CAMTA1: variants seen among roughly 807,000 people sequenced by gnomAD.
CAMTA1 encodes the protein calmodulin-binding transcription activator 1.
CAMTA1 carries 27 observed loss-of-function variants against 170.9 expected under a neutral mutation model. The observed-to-expected ratio is 0.16, with a 90% CI of 0.12 to 0.22. The LOEUF (loss-of-function observed/expected upper bound fraction) is 0.22. Among genes scored for constraint, CAMTA1 ranks in the 10% least tolerant of loss-of-function variants. The pLI, the probability that CAMTA1 is intolerant of heterozygous loss-of-function variation, is 1.00. For missense variants in CAMTA1, 1,619 were observed against 2,217.2 expected, an observed-to-expected ratio of 0.73 and a Z score of 5.42; for synonymous variants, 833 against 891.5, an observed-to-expected ratio of 0.93 and a Z score of 1.17.
intron 3 of CAMTA1, among the ~76,000 whole-genome samples, chr1:6,892,238 G>T (rs916465839): frequency 6.6e-6 from 1 of 152,084 alleles, no homozygotes; most frequent in African/African-American, 2.4e-5. Flanking sequence ...ACCAAACTTC[G>T]CCATACTGTG....
intron 4 of CAMTA1, among the ~76,000 whole-genome samples, chr1:7,177,958 C>T (rs1051608813): frequency 1.3e-5 from 2 of 151,886 alleles, no homozygotes; most frequent in South Asian, 4.2e-4. Context: ...GGAGGCTCCT[C>T]CCACACACTG....
At chr1:7,054,189 A>C (rs1032647670) in intron 3 of CAMTA1, among the ~76,000 whole-genome samples, 2 of 152,054 alleles carry the variant, frequency 1.3e-5, no homozygotes, top group Admixed American at 6.5e-5. Flanking sequence ...TTCTTACCCT[A>C]AGTTTAGCTG....
chr1:6,935,686 C>T (rs1270855355), intron 3 of CAMTA1, among the ~76,000 whole-genome samples: 2 of 152,194 alleles, frequency 1.3e-5, no homozygotes, highest in African/African-American at 2.4e-5. Flanking sequence ...AAAACATTTG[C>T]AAAAAGTAAA....
intron 3 of CAMTA1, among the ~76,000 whole-genome samples, chr1:6,872,665 C>T (rs560828967): frequency 2.0e-5 from 3 of 152,244 alleles, no homozygotes; most frequent in Admixed American, 1.3e-4. Context: ...TTGTATTTCT[C>T]TTTTCAGAAA....
intron 6 of CAMTA1, among the ~76,000 whole-genome samples, chr1:7,512,662 C>G (rs567748478): frequency 6.6e-6 from 1 of 152,348 alleles, no homozygotes; most frequent in Admixed American, 6.5e-5. Context: ...CCACTCCTAT[C>G]ACGCTGGCCA....
intron 4 of CAMTA1, among the ~76,000 whole-genome samples, chr1:7,213,620 T>TTA (rs61677501): frequency 6.6e-6 from 1 of 151,778 alleles, no homozygotes; most frequent in African/African-American, 2.4e-5. Flanking sequence ...TTCTTTTTTT[T>TTA]ATTATACTTT....
intron 6 of CAMTA1, among the ~76,000 whole-genome samples, chr1:7,599,277 C>G (rs933677023): frequency 6.6e-6 from 1 of 152,166 alleles, no homozygotes; most frequent in African/African-American, 2.4e-5. Context: ...TCTGAGGGCT[C>G]TGTTCTGTTC....
At chr1:7,004,898 G>A (rs979790654) in intron 3 of CAMTA1, among the ~76,000 whole-genome samples, 1 of 152,158 alleles carries the variant, frequency 6.6e-6, no homozygotes, top group Non-Finnish European at 1.5e-5. Context: ...CTCCTGAATA[G>A]CTGGGATTAC....
chr1:7,288,750 A>G (rs1672694817), intron 5 of CAMTA1, among the ~76,000 whole-genome samples: 1 of 152,238 alleles, frequency 6.6e-6, no homozygotes, highest in South Asian at 2.1e-4. Flanking sequence ...GAAGCCAGAA[A>G]GCTAGGGCTG....
intron 3 of CAMTA1, among the ~76,000 whole-genome samples, chr1:6,892,729 C>T (rs1674796492): frequency 6.7e-6 from 1 of 150,206 alleles, no homozygotes; most frequent in African/African-American, 2.4e-5. Flanking sequence ...TCAACTAGGT[C>T]TCCGTTTCTA....
intron 6 of CAMTA1, among the ~76,000 whole-genome samples, chr1:7,575,635 A>C (rs2095181753): frequency 6.6e-6 from 1 of 152,256 alleles, no homozygotes; most frequent in Admixed American, 6.5e-5. Flanking sequence ...AAAAGGGTTC[A>C]TCACTTTAAA....
chr1:7,255,460 A>G (rs1228751698), intron 5 of CAMTA1, among the ~76,000 whole-genome samples: 3 of 151,982 alleles, frequency 2.0e-5, no homozygotes, highest in Non-Finnish European at 4.4e-5. Context: ...TCCCACGTCT[A>G]GGTCCACATT....
intron 3 of CAMTA1, among the ~76,000 whole-genome samples, chr1:6,870,620 T>C (rs1162752677): frequency 6.6e-6 from 1 of 152,234 alleles, no homozygotes; most frequent in Admixed American, 6.5e-5. Context: ...GTTAAATTTA[T>C]TGTGGGCTAC....
chr1:7,683,101 G>A (rs1306870430), intron 11 of CAMTA1, among the ~76,000 whole-genome samples: 1 of 151,632 alleles, frequency 6.6e-6, no homozygotes, highest in Admixed American at 6.6e-5. Flanking sequence ...CTTGAACCCG[G>A]GAGGCGGAGC....
At chr1:7,066,306 G>A (rs1708951994) in intron 3 of CAMTA1, among the ~76,000 whole-genome samples, 1 of 152,206 alleles carries the variant, frequency 6.6e-6, no homozygotes, top group South Asian at 2.1e-4. Context: ...CACCCTCAGT[G>A]TCTCATCTCA....
chr1:6,955,053 T>G (rs1403295084), intron 3 of CAMTA1, among the ~76,000 whole-genome samples: 1 of 152,018 alleles, frequency 6.6e-6, no homozygotes, highest in Non-Finnish European at 1.5e-5. Context: ...TCTGCGGCTC[T>G]GGCAATCTGG....
Position 7,738,288 on chromosome 1 carries a change from G to A in CAMTA1, c.3988G>A (p.Val1330Met), listed in dbSNP as rs770011414. 5 of 1,614,190 alleles carry A rather than the reference G, an allele frequency of 3.1e-6. No individual in the cohort carries two copies. The highest frequency in any genetic ancestry group is 4.2e-6 in the Non-Finnish European group (5 of 1,180,050). ...GAATTCCAAAGATCTTTACATTGGT[G>A]TGTCTACAGTACAGGTGACTGGAAA... ...KWNSKDLYIGVSTVQVTGNPK... is the reference protein window; with the variant it reads ...KWNSKDLYIGMSTVQVTGNPK... The change falls in exon 16 of 23, where the codon GTG becomes ATG. Residue 1330 changes from valine to methionine, a missense_variant. This residue lies in a region of CAMTA1 where 370 missense variants were observed against 429.4 expected (regional missense o/e 0.86). Transcript: ENST00000303635. This position sits in a 1 kb window ranked among gnomAD's most constrained non-coding sequence, Gnocchi z 4.9.
intron 11 of CAMTA1, among the ~76,000 whole-genome samples, chr1:7,696,405 A>T (rs574459194): frequency 1.1e-4 from 17 of 151,708 alleles, no homozygotes; most frequent in African/African-American, 4.1e-4. Flanking sequence ...TATATTGGCC[A>T]GGCTGGTCTC....
chr1:7,634,406 G>C lies in CAMTA1; in HGVS notation c.511-5994G>C, dbSNP rs1368338797. 6.6e-6 allele frequency among the ~76,000 whole-genome samples: 1 copy of C among 152,114 alleles called. No individual in the cohort carries two copies. Among genetic ancestry groups the C allele is most frequent in the Admixed American group, 6.5e-5 (1 of 15,270 alleles). On this transcript the variant is annotated intron_variant, in intron 6 of 22. Coordinates refer to ENST00000303635, the MANE Select transcript of CAMTA1 (RefSeq NM_015215.4). This position sits in a 1 kb window ranked among gnomAD's most constrained non-coding sequence, Gnocchi z 6.2. ...CCAAGGGTGCTGAGCAGGAGGTCGGGAGGCGAGGTCGGCCATGGGAAGTCA... is the reference window on the plus strand; with the variant it reads ...CCAAGGGTGCTGAGCAGGAGGTCGGCAGGCGAGGTCGGCCATGGGAAGTCA...
Sources: gnomAD v4.1 joint callset for allele counts (sites outside exome capture counted in the v4.1 genomes callset) on GRCh38, gnomAD v4.1.1 for gene constraint, gnomAD v4.1.1 regional missense constraint, Gnocchi (gnomAD v3.1) non-coding constraint, MANE v1.5 for transcripts, NCBI Gene and HGNC (gene_info 2026-07-23, HGNC 2026-07-21) for gene names.